SHANK2: variants seen among roughly 807,000 people sequenced by gnomAD.
SHANK2 encodes the protein SH3 and multiple ankyrin repeat domains protein 2.
SHANK2 carries 43 observed loss-of-function variants against 133.7 expected under a neutral mutation model. The ratio of observed to expected loss-of-function variants is 0.32; its 90% CI spans 0.25 to 0.41. SHANK2 has a LOEUF of 0.41. Among genes scored for constraint, SHANK2 ranks in the 10% least tolerant of loss-of-function variants. The pLI, the probability that SHANK2 is intolerant of heterozygous loss-of-function variation, is 1.00. For missense variants in SHANK2, 1,994 were observed against 2,235.8 expected (o/e 0.89, Z 2.18); for synonymous variants, 1,017 against 952.8 (o/e 1.07, Z -1.24).
In SHANK2 at chr11:71,175,539, GGAGAGGGAGAGGGAGA is replaced by G. The variant is rs1271496103; in HGVS notation, c.-12-28217_-12-28202del. Among the ~76,000 whole-genome samples the G allele has an allele frequency of 1.6e-4, 13 of 79,700 alleles. No individual in the cohort carries two copies. Among genetic ancestry groups the G allele is most frequent in the African/African-American group, 7.0e-4 (13 of 18,440 alleles). 52.3% of individuals were successfully genotyped at this position (79,700 alleles called of 152,430 possible). A position where few individuals can be genotyped will look rare whatever the true frequency, so the allele number is the denominator to read the frequency against. ...GAAACAGACAGACAGACAGACAGAG[GGAGAGGGAGAGGGAGA>G]GAGAGAGAGAGAGAGAGAGAGAGAG... On this transcript the variant is annotated intron_variant, in intron 2 of 25. Transcript: ENST00000601538. This position sits in a 1 kb window ranked among gnomAD's most constrained non-coding sequence, Gnocchi z 4.2.
intron 14 of SHANK2, among the ~76,000 whole-genome samples, chr11:70,730,575 C>T (rs1401027940): frequency 6.6e-6 from 1 of 152,190 alleles, no homozygotes; most frequent in African/African-American, 2.4e-5. Context: ...CTCAGAGCTG[C>T]CTGATGAGCT....
intron 17 of SHANK2, among the ~76,000 whole-genome samples, chr11:70,622,862 C>T (rs1379485191): frequency 1.3e-5 from 2 of 151,752 alleles, no homozygotes; most frequent in Non-Finnish European, 2.9e-5. Flanking sequence ...CAAACCCTGT[C>T]ACCTGGGGAG....
At chr11:70,577,502 C>T (rs79532734) in intron 17 of SHANK2, among the ~76,000 whole-genome samples, 200 of 152,354 alleles carry the variant, frequency 1.3e-3, no homozygotes, top group African/African-American at 4.6e-3. Context: ...AGAATTGAGC[C>T]AGGTAACAGG....
chr11:70,615,038 T>C (rs1175909730), intron 17 of SHANK2, among the ~76,000 whole-genome samples: 2 of 152,178 alleles, frequency 1.3e-5, no homozygotes, highest in African/African-American at 4.8e-5. Flanking sequence ...ATTCCCCCCA[T>C]GCACAGAACC....
chr11:70,901,964 G>A (rs1252729001), intron 10 of SHANK2, among the ~76,000 whole-genome samples: 15 of 152,214 alleles, frequency 9.9e-5, no homozygotes, highest in Non-Finnish European at 1.9e-4. Context: ...GCGGCTAGGA[G>A]GTGACAAGAA....
rs999053639 is a variant in SHANK2, at chr11:70,569,911, C to T, written c.2062-66980G>A. Among the ~76,000 whole-genome samples, 2 of 151,584 alleles carry T rather than the reference C, an allele frequency of 1.3e-5. No homozygotes were observed. The highest frequency in any genetic ancestry group is 2.1e-4 in the South Asian group (1 of 4,706). ...ACGACGGTACAGAGCAAGACAGAGACACTCACCGAGACAGAGACACAGAGA... is the reference window on the plus strand; with the variant it reads ...ACGACGGTACAGAGCAAGACAGAGATACTCACCGAGACAGAGACACAGAGA... On this transcript the variant is annotated intron_variant, in intron 17 of 25. Transcript: ENST00000601538. The surrounding 1 kb of genome is among the most constrained non-coding windows in gnomAD (Gnocchi z 5.1).
intron 2 of SHANK2, among the ~76,000 whole-genome samples, chr11:71,163,066 C>CT (rs1245912948): frequency 1.2e-5 from 1 of 81,508 alleles, no homozygotes; most frequent in African/African-American, 5.9e-5. Flanking sequence ...GAGTGAGACT[C>CT]TGTCTAAAAA....
intron 17 of SHANK2, among the ~76,000 whole-genome samples, chr11:70,606,562 A>G (rs1591640785): frequency 6.9e-6 from 1 of 144,998 alleles, no homozygotes; most frequent in East Asian, 2.1e-4. Flanking sequence ...CCTCAGCCTT[A>G]CTGTGCAGAC....
At chr11:71,228,938 T>TCA (rs1413088199) in intron 1 of SHANK2, among the ~76,000 whole-genome samples, 1 of 152,166 alleles carries the variant, frequency 6.6e-6, no homozygotes, top group Non-Finnish European at 1.5e-5. Context: ...CCAGGCTGTT[T>TCA]CAATATTTTT....
rs1435167633 is a variant in SHANK2, at chr11:71,075,284, C to A, written c.913-9G>T. ...TGCCCGTACCTGCAGGCCTGAAACA[C>A]AGAACCCAGGCTGTGAATCAGGAAC... is the stretch of plus-strand genomic sequence containing the variant. On this transcript the variant is annotated splice_polypyrimidine_tract_variant and intron_variant, in intron 8 of 25. Coordinates refer to ENST00000601538, the MANE Select transcript of SHANK2 (RefSeq NM_012309.5). 5.1e-5 allele frequency: 10 copies of A among 197,784 alleles called. No individual in the cohort carries two copies. The East Asian group carries it at 1.1e-3, about 23-fold the overall frequency. 12.3% of individuals were successfully genotyped at this position (197,784 alleles called of 1,614,324 possible). A position where few individuals can be genotyped will look rare whatever the true frequency, so the allele number is the denominator to read the frequency against.
chr11:71,124,200 ATGGTGG>A (rs1285034191), intron 3 of SHANK2, among the ~76,000 whole-genome samples: 5 of 23,858 alleles, frequency 2.1e-4, no homozygotes, highest in Non-Finnish European at 2.5e-4. Context: ...GATGGTGATG[ATGGTGG>A]TGATGATGAT....
chr11:70,894,046 C>T (rs143973287), intron 11 of SHANK2, among the ~76,000 whole-genome samples: 9 of 152,124 alleles, frequency 5.9e-5, no homozygotes, highest in South Asian at 2.1e-4. Flanking sequence ...CCTCTCTGTT[C>T]GTAAAGAGTT....
intron 17 of SHANK2, among the ~76,000 whole-genome samples, chr11:70,585,024 C>T (rs1554986383): frequency 6.6e-6 from 1 of 152,246 alleles, no homozygotes; most frequent in Non-Finnish European, 1.5e-5. Flanking sequence ...AGCTCCGTGG[C>T]TACCACCCCA....
At chr11:70,586,125 T>A (rs994689426) in intron 17 of SHANK2, among the ~76,000 whole-genome samples, 13 of 152,088 alleles carry the variant, frequency 8.5e-5, no homozygotes, top group African/African-American at 2.9e-4. Context: ...CTGCCCTGGG[T>A]TGTGTAACAT....
Position 70,922,780 on chromosome 11 carries a change from T to C in SHANK2, c.1108-26213A>G, listed in dbSNP as rs562122862. On this transcript the variant is annotated intron_variant, in intron 10 of 25. Transcript: ENST00000601538. ...AGCAAATGGAAAATAAGTGAGCAAG[T>C]AATAAAGAACAGGAAGATGTAGGAG... is the stretch of plus-strand genomic sequence containing the variant. 7.8e-4 allele frequency among the ~76,000 whole-genome samples: 119 copies of C among 152,182 alleles called. 1 individual carries two copies. Among genetic ancestry groups the C allele is most frequent in the African/African-American group, 2.7e-3 (114 of 41,518 alleles).
chr11:70,728,933 G>T (rs931686452), intron 14 of SHANK2, among the ~76,000 whole-genome samples: 12 of 152,118 alleles, frequency 7.9e-5, no homozygotes, highest in Admixed American at 5.2e-4. Context: ...GGCCGGGCGT[G>T]GTGGCTCATG....
chr11:70,531,155 C>CAAAAAAAAA (rs58867931), intron 17 of SHANK2, among the ~76,000 whole-genome samples: 1 of 88,160 alleles, frequency 1.1e-5, no homozygotes, highest in Non-Finnish European at 2.1e-5. Context: ...ACGACTGTCT[C>CAAAAAAAAA]AAAAAAAAAA....
chr11:70,941,445 A>G (rs553804909), intron 10 of SHANK2, among the ~76,000 whole-genome samples: 2 of 152,198 alleles, frequency 1.3e-5, no homozygotes, highest in South Asian at 4.1e-4. Context: ...GACCTGAAAC[A>G]TATCTCCTAA....
chr11:71,158,071 G>A (rs1368965048), intron 2 of SHANK2, among the ~76,000 whole-genome samples: 2 of 152,130 alleles, frequency 1.3e-5, no homozygotes, highest in Non-Finnish European at 2.9e-5. Context: ...TCCCAAACTC[G>A]AACAGAGCAC....
Sources: gnomAD v4.1 joint callset for allele counts (sites outside exome capture counted in the v4.1 genomes callset) on GRCh38, gnomAD v4.1.1 for gene constraint, Gnocchi (gnomAD v3.1) non-coding constraint, MANE v1.5 for transcripts, NCBI Gene and HGNC (gene_info 2026-07-23, HGNC 2026-07-21) for gene names.